Variants in TRAF3 observed in about 807,000 individuals in gnomAD.
The protein encoded by TRAF3 is TNF receptor associated factor 3.
A neutral mutation model predicts 62.3 loss-of-function variants in TRAF3; 13 were observed. The ratio of observed to expected loss-of-function variants is 0.21; its 90% CI spans 0.14 to 0.33. The LOEUF (loss-of-function observed/expected upper bound fraction) is 0.33. TRAF3 is among the 10% of genes least tolerant of loss of function. The pLI is 1.00. For missense variants in TRAF3, 440 were observed against 741.8 expected (o/e 0.59, Z 4.73); for synonymous variants, 269 against 283.4 (o/e 0.95, Z 0.51).
chr14:102,858,158 T>C (rs1042702244), intron 2 of TRAF3, among the ~76,000 whole-genome samples: 9 of 152,064 alleles, frequency 5.9e-5, no homozygotes, highest in African/African-American at 1.9e-4. Flanking sequence ...GTTCTTCTTT[T>C]TTTTTTTTTT....
At chr14:102,888,611 G>A (rs1424712026) in intron 7 of TRAF3, among the ~76,000 whole-genome samples, 3 of 152,080 alleles carry the variant, frequency 2.0e-5, no homozygotes, top group Non-Finnish European at 4.4e-5. Context: ...ACACATTCCC[G>A]GCTGCTGCAC....
At chr14:102,847,069 C>A (rs966212713) in intron 2 of TRAF3, among the ~76,000 whole-genome samples, 1 of 151,952 alleles carries the variant, frequency 6.6e-6, no homozygotes, top group East Asian at 1.9e-4. Context: ...AGTGCATGTT[C>A]CATTAAAAAA....
chr14:102,872,292 T>G (rs1327995498), intron 4 of TRAF3, among the ~76,000 whole-genome samples: 3 of 152,238 alleles, frequency 2.0e-5, no homozygotes, highest in African/African-American at 4.8e-5. Flanking sequence ...TGCCTGTCTG[T>G]GGCAGGGCTG....
intron 1 of TRAF3, among the ~76,000 whole-genome samples, chr14:102,788,001 A>G (rs1019091508): frequency 6.0e-5 from 9 of 151,062 alleles, no homozygotes; most frequent in African/African-American, 1.9e-4. Context: ...ACAGGTATGC[A>G]CCACCCCACC....
rs1374495391 is a variant in TRAF3 at position 102,795,616 on chromosome 14, G to GTGTGTGTGTA, written c.-157+17945_-157+17946insTGTGTATGTG. On this transcript the variant is annotated intron_variant, in intron 1 of 11. Transcript: ENST00000392745. The stretch of plus-strand genomic sequence containing the variant: ...TGTATATATGTGTGTGTGTGTGTGT[G>GTGTGTGTGTA]TGTGCATAGTTTTCATCCATTGTTT... 3.2e-3 allele frequency among the ~76,000 whole-genome samples: 479 copies of GTGTGTGTGTA among 151,864 alleles called. 2 individuals carry two copies. Among genetic ancestry groups the GTGTGTGTGTA allele is most frequent in the African/African-American group, 0.011 (446 of 41,320 alleles).
Position 102,911,214 on chromosome 14 carries a change from C to T in TRAF3, c.*5430C>T, listed in dbSNP as rs530334182. 5 of 152,268 alleles carry T rather than the reference C, an allele frequency of 3.3e-5. No homozygotes were observed. In the East Asian group the frequency reaches 7.7e-4, roughly 23 times the overall value. The allele number at this position is 152,268 out of a possible 1,614,324, so 9.4% of individuals were successfully genotyped here. On this transcript the variant is annotated 3_prime_UTR_variant, in exon 12 of 12. Coordinates refer to ENST00000392745, the MANE Select transcript of TRAF3 (RefSeq NM_145725.3). ...GACCAGTGATTTGGGTCCTGTTTTC[C>T]GCTCTTCTAAGAAAAAACAAAAAGA...
In TRAF3 at chr14:102,826,803, G is replaced by A. The variant is rs1900338662; in HGVS notation, c.-156-3531G>A. 6.6e-6 allele frequency among the ~76,000 whole-genome samples: 1 copy of A among 152,160 alleles called. No homozygotes were observed. Among genetic ancestry groups the A allele is most frequent in the Non-Finnish European group, 1.5e-5 (1 of 68,030 alleles). The stretch of plus-strand genomic sequence containing the variant: ...CGCGTGGACTGTCACCTCTGTCAGG[G>A]GTGCCAGGGCTGCCAAAGGACAGCT... On this transcript the variant is annotated intron_variant, in intron 1 of 11. Transcript: ENST00000392745. This position sits in a 1 kb window ranked among gnomAD's most constrained non-coding sequence, Gnocchi z 4.6.
At chr14:102,856,985 G>A (rs1429870024) in intron 2 of TRAF3, among the ~76,000 whole-genome samples, 1 of 152,174 alleles carries the variant, frequency 6.6e-6, no homozygotes, top group Non-Finnish European at 1.5e-5. Flanking sequence ...AACTTATCCT[G>A]CATTCCTACA....
intron 1 of TRAF3, among the ~76,000 whole-genome samples, chr14:102,822,852 C>A (rs1022266378): frequency 6.6e-6 from 1 of 152,000 alleles, no homozygotes; most frequent in Non-Finnish European, 1.5e-5. Flanking sequence ...ACTAAAAATA[C>A]AAAATTAGCC....
intron 3 of TRAF3, 54 bp downstream of exon 3, chr14:102,870,500 CCCTCT>C (rs1485315982): frequency 2.1e-5 from 33 of 1,601,318 alleles, no homozygotes; most frequent in Non-Finnish European, 2.6e-5. Flanking sequence ...CTCGGCCTCA[CCCTCT>C]CCTTCATTCG....
At chr14:102,847,600 T>A (rs1886799526) in intron 2 of TRAF3, among the ~76,000 whole-genome samples, 1 of 152,190 alleles carries the variant, frequency 6.6e-6, no homozygotes, top group Admixed American at 6.5e-5. Context: ...GCTTTGCTCC[T>A]TTTTTTATTG....
intron 10 of TRAF3, among the ~76,000 whole-genome samples, chr14:102,898,320 T>C (rs911440894): frequency 6.6e-6 from 1 of 152,234 alleles, no homozygotes; most frequent in Non-Finnish European, 1.5e-5. Flanking sequence ...AAACATTAGA[T>C]TGTATTAGAA....
At chr14:102,778,446 A>G (rs1377288149) in intron 1 of TRAF3, among the ~76,000 whole-genome samples, 1 of 152,206 alleles carries the variant, frequency 6.6e-6, no homozygotes, top group African/African-American at 2.4e-5. Flanking sequence ...ACAAACTGGA[A>G]ACGGATGAGG....
rs531684420 is a variant in TRAF3 at position 102,885,437 on chromosome 14, C to G, written c.571-752C>G. Among the ~76,000 whole-genome samples, 26 of 152,304 alleles carry G rather than the reference C, an allele frequency of 1.7e-4. No individual in the cohort carries two copies. The South Asian group carries it at 5.4e-3, about 32-fold the overall frequency. On this transcript the variant is annotated intron_variant, in intron 6 of 11. Coordinates refer to ENST00000392745, the MANE Select transcript of TRAF3 (RefSeq NM_145725.3). ...AGCGTGGCTCCATCTCTGGCTCTTC[C>G]TCATCAGTCTCTCCCCAGGGGCCCT...
At chr14:102,819,342 G>A (rs1280538201) in intron 1 of TRAF3, among the ~76,000 whole-genome samples, 1 of 152,108 alleles carries the variant, frequency 6.6e-6, no homozygotes, top group Non-Finnish European at 1.5e-5. Context: ...CCCACCACCA[G>A]CCACAGCTTG....
chr14:102,854,783 C>T (rs911026174), intron 2 of TRAF3, among the ~76,000 whole-genome samples: 3 of 148,314 alleles, frequency 2.0e-5, no homozygotes, highest in Non-Finnish European at 4.4e-5. Flanking sequence ...TTATAGGTGT[C>T]AGCTGCCGCA....
intron 1 of TRAF3, among the ~76,000 whole-genome samples, chr14:102,783,137 T>A (rs1897333596): frequency 1.3e-5 from 2 of 152,170 alleles, no homozygotes; most frequent in Non-Finnish European, 2.9e-5. Context: ...GTGTCCAGAT[T>A]CTGCAAGCCG....
At chr14:102,887,314 C>A (rs562014227) in intron 7 of TRAF3, among the ~76,000 whole-genome samples, 1 of 152,188 alleles carries the variant, frequency 6.6e-6, no homozygotes. Flanking sequence ...TACTGGGTAA[C>A]AGGGAGAACC....
chr14:102,876,522 G>C lies in TRAF3; in HGVS notation c.567G>C (p.Leu189=), dbSNP rs1192694935. The C allele has an allele frequency of 6.2e-6, 10 of 1,613,126 alleles. No homozygotes were observed. In the African/African-American group the frequency reaches 1.3e-4, roughly 22 times the overall value. ...AGAGTCAGGTTCCGATGATCGCGCT[G>C]CAGGTGCGGGTCCTCCCATTCCACA... ...HCKSQVPMIA[L]QKHEDTDCPC... Residue 189 remains leucine (L), a synonymous_variant, in exon 6 of 12, where the codon CTG becomes CTC. Transcript: ENST00000392745.
Sources: allele counts gnomAD v4.1 joint callset (sites outside exome capture counted in the v4.1 genomes callset), GRCh38; gene constraint gnomAD v4.1.1; non-coding constraint Gnocchi (gnomAD v3.1); transcripts MANE v1.5; gene names NCBI Gene and HGNC (gene_info 2026-07-23, HGNC 2026-07-21).